Variants in AUTS2 observed in about 807,000 individuals in gnomAD.
AUTS2 encodes the protein activator of transcription and developmental regulator AUTS2, also known as autism susceptibility gene 2 protein.
A neutral mutation model predicts 112.4 loss-of-function variants in AUTS2; 17 were observed. The ratio of observed to expected loss-of-function variants is 0.15; its 90% confidence interval spans 0.10 to 0.23. The LOEUF (loss-of-function observed/expected upper bound fraction) is 0.23, where lower values mean the gene tolerates loss of function less well. Among genes scored for constraint, AUTS2 ranks in the 10% least tolerant of loss-of-function variants. The pLI is 1.00. For synonymous variants in AUTS2, 751 were observed against 702.7 expected (o/e 1.07, Z -1.09); for missense variants, 1,510 against 1,701.6 (o/e 0.89, Z 1.98).
intron 5 of AUTS2, among the ~76,000 whole-genome samples, chr7:70,584,821 T>C (rs1194894189): frequency 6.6e-6 from 1 of 152,260 alleles, no homozygotes; most frequent in East Asian, 1.9e-4. Flanking sequence ...GGGCAGTGAC[T>C]GAAAACTTCA....
At chr7:70,069,971 G>A (rs1170867656) in intron 2 of AUTS2, among the ~76,000 whole-genome samples, 6 of 151,668 alleles carry the variant, frequency 4.0e-5, no homozygotes, top group Non-Finnish European at 8.8e-5. Flanking sequence ...AGAAGTGAGA[G>A]CAGGTCAGTA....
rs1055545938 is a variant in AUTS2 at position 69,970,742 on chromosome 7, C to A, written c.522+71244C>A. On this transcript the variant is annotated intron_variant, in intron 2 of 18. Transcript: ENST00000342771. ...TCCCTCAACAGTGCTAGCCCTTGAC[C>A]TTGTATATACATAATACACCTTATT... is the stretch of plus-strand genomic sequence containing the variant. Among the ~76,000 whole-genome samples, 13 of 152,126 alleles carry A rather than the reference C, an allele frequency of 8.5e-5. No homozygotes were observed. The South Asian group carries it at 2.5e-3, about 29-fold the overall frequency.
intron 4 of AUTS2, among the ~76,000 whole-genome samples, chr7:70,395,528 G>C (rs566536146): frequency 6.6e-6 from 1 of 152,286 alleles, no homozygotes; most frequent in South Asian, 2.1e-4. Context: ...GGAAATAAAT[G>C]AATTTTGTAT....
intron 1 of AUTS2, among the ~76,000 whole-genome samples, chr7:69,693,053 C>T (rs1203897279): frequency 1.3e-5 from 2 of 152,152 alleles, no homozygotes; most frequent in Admixed American, 6.5e-5. Context: ...AACTGTGGCA[C>T]CTTGAACAGA....
At chr7:69,642,508 T>G (rs960351612) in intron 1 of AUTS2, among the ~76,000 whole-genome samples, 1 of 152,224 alleles carries the variant, frequency 6.6e-6, no homozygotes, top group African/African-American at 2.4e-5. Flanking sequence ...AAAATTGATA[T>G]AAGCAGTTGT....
chr7:70,247,105 A>G (rs1812965490), intron 4 of AUTS2, among the ~76,000 whole-genome samples: 1 of 152,200 alleles, frequency 6.6e-6, no homozygotes, highest in Non-Finnish European at 1.5e-5. Flanking sequence ...GTCAAAAGGT[A>G]GAAATAACTC....
chr7:70,367,555 C>CAA (rs765864988), intron 4 of AUTS2, among the ~76,000 whole-genome samples: 1 of 100,596 alleles, frequency 9.9e-6, no homozygotes, highest in Non-Finnish European at 2.1e-5. Flanking sequence ...GACTCTGTCT[C>CAA]AAAAAAAAAA....
intron 5 of AUTS2, among the ~76,000 whole-genome samples, chr7:70,696,563 G>C (rs1295246894): frequency 1.3e-5 from 2 of 152,222 alleles, no homozygotes; most frequent in East Asian, 3.9e-4. Flanking sequence ...CCTCAAGTTT[G>C]GTTCAGACAT....
intron 5 of AUTS2, among the ~76,000 whole-genome samples, chr7:70,593,569 G>A (rs1367692597): frequency 6.6e-6 from 1 of 152,144 alleles, no homozygotes; most frequent in African/African-American, 2.4e-5. Flanking sequence ...CTAGTCAGGT[G>A]ATAATGGAAT....
intron 1 of AUTS2, among the ~76,000 whole-genome samples, chr7:69,832,174 G>A (rs1399253179): frequency 6.6e-6 from 1 of 152,140 alleles, no homozygotes; most frequent in East Asian, 1.9e-4. Context: ...GAGGTTGTGT[G>A]ATCTGGATCT....
intron 5 of AUTS2, among the ~76,000 whole-genome samples, chr7:70,641,950 G>A (rs1277281091): frequency 6.6e-6 from 1 of 152,108 alleles, no homozygotes; most frequent in African/African-American, 2.4e-5. Context: ...GATAGCTAAG[G>A]TTGCCCTCAA....
chr7:70,650,793 C>G (rs895718226), intron 5 of AUTS2, among the ~76,000 whole-genome samples: 7 of 152,236 alleles, frequency 4.6e-5, no homozygotes, highest in African/African-American at 1.7e-4. Context: ...GCAAACACAT[C>G]TACACCCTTG....
At chr7:70,181,256 T>A (rs1809284038) in intron 4 of AUTS2, among the ~76,000 whole-genome samples, 1 of 152,242 alleles carries the variant, frequency 6.6e-6, no homozygotes, top group Non-Finnish European at 1.5e-5. Context: ...AACATGCTTG[T>A]ACAGATCTCC....
intron 2 of AUTS2, among the ~76,000 whole-genome samples, chr7:69,952,081 A>T (rs1370649158): frequency 6.6e-6 from 1 of 152,006 alleles, no homozygotes; most frequent in East Asian, 1.9e-4. Context: ...TTTTATGGCC[A>T]TTTTTTATTT....
intron 2 of AUTS2, among the ~76,000 whole-genome samples, chr7:70,069,157 A>G (rs1802636993): frequency 6.6e-6 from 1 of 152,170 alleles, no homozygotes; most frequent in South Asian, 2.1e-4. Flanking sequence ...GGGAGGCAGA[A>G]GTACCTCAGT....
intron 5 of AUTS2, among the ~76,000 whole-genome samples, chr7:70,486,058 A>G (rs1225926973): frequency 2.0e-5 from 3 of 152,166 alleles, no homozygotes; most frequent in South Asian, 2.1e-4. Context: ...GTCAAGGGGC[A>G]TCGGGATAAA....
At chr7:70,508,887 G>C (rs1201155674) in intron 5 of AUTS2, among the ~76,000 whole-genome samples, 2 of 152,202 alleles carry the variant, frequency 1.3e-5, no homozygotes, top group Non-Finnish European at 2.9e-5. Context: ...AAGCAAGGAA[G>C]ACCCTGAGTT....
chr7:70,151,800 A>T (rs1300328224), intron 4 of AUTS2, among the ~76,000 whole-genome samples: 4 of 152,138 alleles, frequency 2.6e-5, no homozygotes, highest in Admixed American at 2.6e-4. Flanking sequence ...AACTATTTCA[A>T]GTGACTTAAC....
chr7:69,872,578 C>T (rs759000422), intron 1 of AUTS2, among the ~76,000 whole-genome samples: 2 of 151,962 alleles, frequency 1.3e-5, no homozygotes, highest in Non-Finnish European at 2.9e-5. Flanking sequence ...TTTTTTCTCC[C>T]GAATTATACA....
Sources: allele counts gnomAD v4.1 joint callset (sites outside exome capture counted in the v4.1 genomes callset), GRCh38; gene constraint gnomAD v4.1.1; transcripts MANE v1.5; gene names NCBI Gene and HGNC (gene_info 2026-07-23, HGNC 2026-07-21).